The following PCNX2 variants were observed in gnomAD, a reference collection of about 807,000 sequenced individuals.
PCNX2 encodes the protein pecanex 2, also known as pecanex-like protein 2.
In PCNX2, 168 loss-of-function variants were observed where a neutral mutation model predicts 223.8. The ratio of observed to expected loss-of-function variants is 0.75; its 90% CI spans 0.66 to 0.85. PCNX2 has a LOEUF of 0.85. Among genes scored for constraint, PCNX2 ranks in the 40% least tolerant of loss-of-function variants. PCNX2 has a pLI of 0.00. For synonymous variants in PCNX2, 1,006 were observed against 1,052.6 expected (o/e 0.96, Z 0.86); for missense variants, 2,507 against 2,675.5 (o/e 0.94, Z 1.39).
At chr1:233,212,805 T>C (rs933433210) in intron 12 of PCNX2, among the ~76,000 whole-genome samples, 1 of 152,274 alleles carries the variant, frequency 6.6e-6, no homozygotes, top group African/African-American at 2.4e-5. Context: ...ATTTGAGAAC[T>C]TTTCATCAAG....
intron 21 of PCNX2, among the ~76,000 whole-genome samples, chr1:233,129,920 G>C (rs1676359754): frequency 6.6e-6 from 1 of 152,172 alleles, no homozygotes; most frequent in Non-Finnish European, 1.5e-5. Context: ...TGAGAGCTTT[G>C]TTCTTTCACT....
intron 17 of PCNX2, 54 bp from the exon 18 acceptor site, chr1:233,161,417 T>G: frequency 1.4e-6 from 2 of 1,467,628 alleles, no homozygotes; most frequent in Non-Finnish European, 1.9e-6. Context: ...TCAGCAACTC[T>G]GTGTAACCAG....
chr1:233,118,770 T>C (rs537187861), intron 21 of PCNX2, among the ~76,000 whole-genome samples: 2 of 152,312 alleles, frequency 1.3e-5, no homozygotes, highest in South Asian at 4.1e-4. Flanking sequence ...ATAGAAAAGA[T>C]GTCAATTCTC....
intron 13 of PCNX2, among the ~76,000 whole-genome samples, chr1:233,204,938 T>G (rs1681356267): frequency 1.3e-5 from 2 of 152,340 alleles, no homozygotes; most frequent in South Asian, 4.1e-4. Context: ...TGAAATTGAT[T>G]TAAAAATAAA....
chr1:233,203,911 A>C (rs1032669739), intron 13 of PCNX2, among the ~76,000 whole-genome samples: 2 of 152,198 alleles, frequency 1.3e-5, no homozygotes, highest in African/African-American at 2.4e-5. Flanking sequence ...CCAGAGGAGG[A>C]CCACTTGTAC....
chr1:233,101,692 AG>A (rs1435697146), intron 21 of PCNX2, among the ~76,000 whole-genome samples: 2 of 152,252 alleles, frequency 1.3e-5, no homozygotes, highest in Non-Finnish European at 2.9e-5. Flanking sequence ...AACAGTCAGA[AG>A]CAAAGAGGTA....
At chr1:233,322,103 A>C in the PCNX2 span, among the ~76,000 whole-genome samples, 1 of 152,180 alleles carries the variant, frequency 6.6e-6, no homozygotes, top group Non-Finnish European at 1.5e-5. Flanking sequence ...CCAAATACAT[A>C]TATAAAAGAG....
chr1:233,008,286 C>T (rs978563500), intron 28 of PCNX2, among the ~76,000 whole-genome samples: 3 of 152,194 alleles, frequency 2.0e-5, no homozygotes, highest in Non-Finnish European at 4.4e-5. Context: ...GTAAAGAACA[C>T]GTGATGTCCC....
rs1026638616 is a variant in PCNX2 at position 233,262,235 on chromosome 1, T to C, written c.360-70A>G. On this transcript the variant is annotated intron_variant, in intron 2 of 33. Coordinates refer to ENST00000258229, the MANE Select transcript of PCNX2 (RefSeq NM_014801.4). ...AACAGAAGCATGACTCTTTTAGTAC[T>C]AGTCTAAAAACTTTTTTTCCTAGAG... 1.0e-5 allele frequency: 16 copies of C among 1,567,500 alleles called. No individual in the cohort carries two copies. The African/African-American group carries it at 1.9e-4, about 19-fold the overall frequency.
intron 12 of PCNX2, among the ~76,000 whole-genome samples, chr1:233,214,348 G>A (rs1242568043): frequency 6.6e-6 from 1 of 152,136 alleles, no homozygotes; most frequent in East Asian, 1.9e-4. Flanking sequence ...AGTTTCCCAA[G>A]CTCTCACAGC....
chr1:233,054,819 A>G (rs1279473730), intron 24 of PCNX2: 1 of 156,828 alleles, frequency 6.4e-6, no homozygotes, highest in African/African-American at 2.4e-5. Flanking sequence ...TATACTATAT[A>G]TAAATGGATA....
At chr1:233,018,720 G>A (rs879837666) in intron 26 of PCNX2, 10 of 972,496 alleles carry the variant, frequency 1.0e-5, no homozygotes, top group Non-Finnish European at 1.1e-5. Flanking sequence ...TGGTGCTCCA[G>A]GCTATTGAGG....
At chr1:233,267,509 A>G (rs1366275936) in intron 1 of PCNX2, among the ~76,000 whole-genome samples, 1 of 152,030 alleles carries the variant, frequency 6.6e-6, no homozygotes, top group African/African-American at 2.4e-5. Context: ...CCCATTAAAC[A>G]CTAACTCCCC....
the PCNX2 span, among the ~76,000 whole-genome samples, chr1:233,314,769 A>G: frequency 3.9e-5 from 6 of 152,098 alleles, no homozygotes; most frequent in Admixed American, 6.5e-5. Context: ...TTCTTACGTT[A>G]TTACAGAAAA....
In PCNX2 at chr1:233,154,155, T is replaced by C. The variant is rs927909658; in HGVS notation, c.3517+6128A>G. 2.0e-5 allele frequency among the ~76,000 whole-genome samples: 3 copies of C among 152,112 alleles called. No individual in the cohort carries two copies. The East Asian group carries it at 5.8e-4, about 29-fold the overall frequency. On this transcript the variant is annotated intron_variant, in intron 19 of 33. Coordinates refer to ENST00000258229, the MANE Select transcript of PCNX2 (RefSeq NM_014801.4). ...GTACAGTGGTGTGGTCTCGGCTCAC[T>C]GCAACCTCTGCTTCCTGGGTTCAAG...
At chr1:233,208,826 C>CAAAAAAAAAAAAAAAAAAAAAAAAAAGA (rs71173255) in intron 12 of PCNX2, 137 bp from the exon 13 acceptor site, 2 of 59,538 alleles carry the variant, frequency 3.4e-5, no homozygotes, top group Admixed American at 2.6e-4. Flanking sequence ...AATTCATATA[C>CAAAAAAAAAAAAAAAAAAAAAAAAAAGA]AAAAAAAAAA....
chr1:233,246,323 C>T (rs1659119738), intron 8 of PCNX2, among the ~76,000 whole-genome samples: 3 of 152,204 alleles, frequency 2.0e-5, no homozygotes, highest in African/African-American at 2.4e-5. Flanking sequence ...CTCTACCATT[C>T]CACACTGGGC....
chr1:233,172,473 G>A lies in PCNX2; in HGVS notation c.3273+5329C>T, dbSNP rs899067355. On this transcript the variant is annotated intron_variant, in intron 17 of 33. Coordinates refer to ENST00000258229, the MANE Select transcript of PCNX2 (RefSeq NM_014801.4). ...CTCTTATTCTGCTCAATCATGAGGT[G>A]AGTCTGCTTGCACTTCCTGGTGTGG... The A allele has an allele frequency of 1.1e-5, 11 of 985,284 alleles. 1 individual carries two copies. In the African/African-American group the frequency reaches 1.7e-4, roughly 16 times the overall value. 61.0% of individuals were successfully genotyped at this position (985,284 alleles called of 1,614,324 possible).
At chr1:233,047,875 A>G (rs777527217) in intron 25 of PCNX2, among the ~76,000 whole-genome samples, 3 of 152,178 alleles carry the variant, frequency 2.0e-5, no homozygotes, top group Non-Finnish European at 4.4e-5. Flanking sequence ...ATAGAAATCT[A>G]TAGAATACTC....
Sources: allele counts gnomAD v4.1 joint callset (sites outside exome capture counted in the v4.1 genomes callset), GRCh38; gene constraint gnomAD v4.1.1; transcripts MANE v1.5; gene names NCBI Gene and HGNC (gene_info 2026-07-23, HGNC 2026-07-21).